CCDC149: variants seen among roughly 807,000 people sequenced by gnomAD.
CCDC149 encodes the protein coiled-coil domain containing 149, also known as coiled-coil domain-containing protein 149.
A neutral mutation model predicts 59.9 loss-of-function variants in CCDC149; 45 were observed. The observed-to-expected ratio is 0.75, with a 90% CI of 0.59 to 0.96. The LOEUF (loss-of-function observed/expected upper bound fraction) is 0.96. Ranked by LOEUF, CCDC149 falls within the 40% of genes least tolerant of loss-of-function variation. The probability of loss-of-function intolerance (pLI) is 0.00; values close to 1 mark genes in which losing one functional copy is unlikely to be tolerated. For missense variants in CCDC149, 584 were observed against 664.7 expected (o/e 0.88, Z 1.33); for synonymous variants, 245 against 260.6 (o/e 0.94, Z 0.58).
At chr4:24,878,530 T>C (rs2109253685) in intron 1 of CCDC149, among the ~76,000 whole-genome samples, 1 of 152,258 alleles carries the variant, frequency 6.6e-6, no homozygotes, top group Non-Finnish European at 1.5e-5. Flanking sequence ...CGTATTGAGA[T>C]TTCACAGGAA....
intron 1 of CCDC149, among the ~76,000 whole-genome samples, chr4:24,975,470 A>G: frequency 7.8e-6 from 1 of 127,732 alleles, no homozygotes; most frequent in African/African-American, 3.0e-5. Flanking sequence ...GGGGAGGGGA[A>G]GAGAAGAAAG....
intron 12 of CCDC149, among the ~76,000 whole-genome samples, chr4:24,814,991 G>A (rs1048164220): frequency 2.6e-5 from 4 of 152,160 alleles, no homozygotes; most frequent in Non-Finnish European, 4.4e-5. Context: ...ATGCCTATGT[G>A]ATTAAATCTG....
chr4:24,945,941 C>T (rs1723096438), intron 1 of CCDC149, among the ~76,000 whole-genome samples: 2 of 152,112 alleles, frequency 1.3e-5, no homozygotes, highest in Admixed American at 1.3e-4. Flanking sequence ...ACTAATATAT[C>T]AAGTGATGCT....
In CCDC149 at chr4:24,807,647, C is replaced by T. The variant is rs114358954; in HGVS notation, c.*742G>A. The stretch of plus-strand genomic sequence containing the variant: ...CCAGACCACCACTGGGAGTCCTGTT[C>T]CCCGGCTTTTATGCTCACCCCTCCC... On this transcript the variant is annotated 3_prime_UTR_variant, in exon 13 of 13. Transcript: ENST00000635206. 1,533 of 152,364 alleles carry T rather than the reference C, an allele frequency of 0.01. 15 individuals carry two copies. The highest frequency in any genetic ancestry group is 0.013 in the Non-Finnish European group (897 of 68,090). 9.4% of individuals were successfully genotyped at this position (152,364 alleles called of 1,614,324 possible). A position where few individuals can be genotyped will look rare whatever the true frequency, so the allele number is the denominator to read the frequency against.
chr4:24,803,957 T>G (rs143044608), downstream of CCDC149, among the ~76,000 whole-genome samples: 5 of 152,310 alleles, frequency 3.3e-5, no homozygotes, highest in East Asian at 9.6e-4. This position sits in a 1 kb window ranked among gnomAD's most constrained non-coding sequence, Gnocchi z 4.3. Context: ...TGCTACTCAT[T>G]TCTAACTAGA....
chr4:24,904,084 G>A (rs1721334960), intron 1 of CCDC149, among the ~76,000 whole-genome samples: 1 of 152,196 alleles, frequency 6.6e-6, no homozygotes, highest in African/African-American at 2.4e-5. Flanking sequence ...ACAGGCGTGA[G>A]CCACCGTGCC....
chr4:24,808,468 G>A lies in CCDC149; in HGVS notation c.1544C>T (p.Pro515Leu). 1.4e-6 allele frequency: 2 copies of A among 1,469,574 alleles called. No homozygotes were observed. Among genetic ancestry groups the A allele is most frequent in the Non-Finnish European group, 1.8e-6 (2 of 1,109,932 alleles). The allele number at this position is 1,469,574 out of a possible 1,614,324, so 91.0% of individuals were successfully genotyped here. ...TTCCGGTGTGGAAGCTTTGGCTGCT[G>A]GCCGGCTGGCCTCGAAGGAGTCCAG... Residue 515 changes from proline to leucine, a missense_variant, in exon 13 of 13, where the codon CCA (proline) becomes CTA (leucine). Coordinates refer to ENST00000635206, the MANE Select transcript of CCDC149 (RefSeq NM_001330643.2).
intron 1 of CCDC149, among the ~76,000 whole-genome samples, chr4:24,907,246 T>C (rs1220783831): frequency 6.6e-6 from 1 of 152,198 alleles, no homozygotes; most frequent in Non-Finnish European, 1.5e-5. Flanking sequence ...TAGGATCACC[T>C]ATGAGGTAGG....
rs1018239017 is a variant in CCDC149, at chr4:24,808,303, G to A, written c.*86C>T. 3 of 1,253,730 alleles carry A rather than the reference G, an allele frequency of 2.4e-6. No homozygotes were observed. Among genetic ancestry groups the A allele is most frequent in the Non-Finnish European group, 2.1e-6 (2 of 949,890 alleles). The allele number at this position is 1,253,730 out of a possible 1,614,324, so 77.7% of individuals were successfully genotyped here. A position where few individuals can be genotyped will look rare whatever the true frequency, so the allele number is the denominator to read the frequency against. On this transcript the variant is annotated 3_prime_UTR_variant, in exon 13 of 13. Coordinates refer to ENST00000635206, the MANE Select transcript of CCDC149 (RefSeq NM_001330643.2). ...CAGACTCGGAGGTATTTCAGGAGAAGGCGACGTGAGCGCACCATTCCGATG... is the reference window on the plus strand; with the variant it reads ...CAGACTCGGAGGTATTTCAGGAGAAAGCGACGTGAGCGCACCATTCCGATG...
At chr4:24,833,739 G>A (rs1464524598) in intron 8 of CCDC149, among the ~76,000 whole-genome samples, 1 of 152,186 alleles carries the variant, frequency 6.6e-6, no homozygotes, top group Non-Finnish European at 1.5e-5. Context: ...TATAAGTAAT[G>A]TATGAAGAAC....
intron 1 of CCDC149, among the ~76,000 whole-genome samples, chr4:24,929,291 T>G (rs2109340900): frequency 6.6e-6 from 1 of 152,314 alleles, no homozygotes. Flanking sequence ...GAATCGGCTC[T>G]CAGCGGCTCA....
At chr4:24,919,213 T>C (rs1044291515) in intron 1 of CCDC149, among the ~76,000 whole-genome samples, 2 of 152,190 alleles carry the variant, frequency 1.3e-5, no homozygotes, top group Non-Finnish European at 2.9e-5. Context: ...AATAAGCCTT[T>C]CTTGAGCTTC....
At chr4:24,877,912 C>T (rs1719566739) in intron 1 of CCDC149, among the ~76,000 whole-genome samples, 1 of 152,182 alleles carries the variant, frequency 6.6e-6, no homozygotes, top group Non-Finnish European at 1.5e-5. Context: ...GTATTATTCA[C>T]ATATGTGAAA....
chr4:24,846,670 CAG>C (rs1285340167), intron 4 of CCDC149, among the ~76,000 whole-genome samples: 2 of 152,120 alleles, frequency 1.3e-5, no homozygotes, highest in East Asian at 3.9e-4. Context: ...GCACCAATGA[CAG>C]ATAAAACAGA....
At chr4:24,939,333 C>A (rs1382384560) in intron 1 of CCDC149, among the ~76,000 whole-genome samples, 1 of 152,170 alleles carries the variant, frequency 6.6e-6, no homozygotes, top group African/African-American at 2.4e-5. Context: ...AGCTGAGGGT[C>A]CTGACTGTTA....
intron 9 of CCDC149, among the ~76,000 whole-genome samples, chr4:24,824,962 C>T (rs1715630904): frequency 6.6e-6 from 1 of 152,198 alleles, no homozygotes; most frequent in African/African-American, 2.4e-5. Flanking sequence ...TCTCTGTTAG[C>T]TTCACACTGA....
chr4:24,879,471 C>T (rs1175042095), intron 1 of CCDC149, among the ~76,000 whole-genome samples: 2 of 149,968 alleles, frequency 1.3e-5, no homozygotes, highest in African/African-American at 2.5e-5. Context: ...GAGCCGAGAT[C>T]GCACCATTGC....
intron 4 of CCDC149, among the ~76,000 whole-genome samples, chr4:24,843,839 C>T (rs1392705803): frequency 6.6e-6 from 1 of 152,112 alleles, no homozygotes; most frequent in East Asian, 1.9e-4. Flanking sequence ...GCTGAAGAGG[C>T]ACAATATGAC....
rs746908590 is a variant in CCDC149 at position 24,837,242 on chromosome 4, C to A, written c.648G>T (p.Leu216=). 6.2e-7 allele frequency: 1 copy of A among 1,614,052 alleles called. No individual in the cohort carries two copies. The change falls in exon 6 of 13, where the codon CTG becomes CTT. Residue 216 remains leucine, a synonymous_variant. Transcript: ENST00000635206. The surrounding 1 kb of genome is among the most constrained non-coding windows in gnomAD (Gnocchi z 4.3). ...TGGCCACTTGCCTGTTCTCCATACA[C>A]AGGGCGTCCACGTCAATGATGCGGT... is the stretch of plus-strand genomic sequence containing the variant.
Sources: allele counts gnomAD v4.1 joint callset (sites outside exome capture counted in the v4.1 genomes callset), GRCh38; gene constraint gnomAD v4.1.1; non-coding constraint Gnocchi (gnomAD v3.1); transcripts MANE v1.5; gene names NCBI Gene and HGNC (gene_info 2026-07-23, HGNC 2026-07-21).